Variants in ESR1 observed in about 807,000 individuals in gnomAD.
ESR1 encodes the protein estrogen receptor.
Under a neutral mutation model 52.7 loss-of-function variants are expected in ESR1, and 12 were observed. The observed-to-expected ratio is 0.23, with a 90% CI of 0.15 to 0.37. The LOEUF (loss-of-function observed/expected upper bound fraction) is 0.37, where lower values mean the gene tolerates loss of function less well. Among genes scored for constraint, ESR1 ranks in the 10% least tolerant of loss-of-function variants. The pLI, the probability that ESR1 is intolerant of heterozygous loss-of-function variation, is 1.00. For synonymous variants in ESR1, 305 were observed against 316.8 expected (o/e 0.96, Z 0.39); for missense variants, 584 against 779.7 (o/e 0.75, Z 2.99).
At chr6:152,049,862 T>C (rs2046534104) in intron 5 of ESR1, among the ~76,000 whole-genome samples, 1 of 152,150 alleles carries the variant, frequency 6.6e-6, no homozygotes, top group South Asian at 2.1e-4. Context: ...TAGTCAGGGA[T>C]TTAATGCCTC....
chr6:151,737,882 G>C (rs1782794508), intron 2 of ESR1, among the ~76,000 whole-genome samples: 1 of 152,146 alleles, frequency 6.6e-6, no homozygotes, highest in South Asian at 2.1e-4. Flanking sequence ...CATTATAAGG[G>C]AATTATAAGG....
At chr6:152,058,316 T>C (rs1562735710) in intron 5 of ESR1, among the ~76,000 whole-genome samples, 7 of 152,144 alleles carry the variant, frequency 4.6e-5, no homozygotes, top group South Asian at 2.1e-4. Flanking sequence ...CAGCCACACA[T>C]TGGGCAGCAT....
intron 3 of ESR1, among the ~76,000 whole-genome samples, chr6:151,917,697 C>G (rs1476454265): frequency 6.6e-6 from 1 of 152,106 alleles, no homozygotes; most frequent in Non-Finnish European, 1.5e-5. Flanking sequence ...CTTGATGCTC[C>G]CTGCCTGGAC....
At chr6:152,028,304 A>G (rs1033013097) in intron 5 of ESR1, among the ~76,000 whole-genome samples, 1 of 152,206 alleles carries the variant, frequency 6.6e-6, no homozygotes, top group Non-Finnish European at 1.5e-5. Context: ...GGTGCAGGAC[A>G]GTGGGTGCAG....
At chr6:152,056,280 C>T (rs913065225) in intron 5 of ESR1, among the ~76,000 whole-genome samples, 1 of 152,144 alleles carries the variant, frequency 6.6e-6, no homozygotes, top group Non-Finnish European at 1.5e-5. Context: ...TCTTTCAATA[C>T]ATCTAATCTT....
chr6:152,082,828 CAGAG>C (rs1262098425), intron 6 of ESR1, among the ~76,000 whole-genome samples: 1 of 152,146 alleles, frequency 6.6e-6, no homozygotes, highest in Non-Finnish European at 1.5e-5. Context: ...AATAGACAAA[CAGAG>C]AGCCAAATCA....
intron 3 of ESR1, among the ~76,000 whole-genome samples, chr6:151,938,960 A>G (rs1371452957): frequency 6.6e-6 from 1 of 152,220 alleles, no homozygotes; most frequent in Non-Finnish European, 1.5e-5. Flanking sequence ...ATAATTGTTA[A>G]GGTTAAAATT....
chr6:151,726,162 C>A (rs1027886948), intron 2 of ESR1, among the ~76,000 whole-genome samples: 2 of 152,024 alleles, frequency 1.3e-5, no homozygotes, highest in African/African-American at 4.8e-5. Flanking sequence ...CTCATTTAGG[C>A]GGAGAAAGAA....
chr6:151,736,375 G>GTTTTTTT (rs10624912), intron 2 of ESR1, among the ~76,000 whole-genome samples: 3 of 112,742 alleles, frequency 2.7e-5, no homozygotes, highest in African/African-American at 1.1e-4. Context: ...TCCAGGTAGT[G>GTTTTTTT]TTTTTTTTTT....
chr6:152,058,801 A>G (rs2128950310), intron 5 of ESR1, among the ~76,000 whole-genome samples: 1 of 152,332 alleles, frequency 6.6e-6, no homozygotes, highest in African/African-American at 2.4e-5. Context: ...TGTTGAATGA[A>G]TTAAAGTAGA....
chr6:151,846,297 A>T (rs1024669393), intron 2 of ESR1, among the ~76,000 whole-genome samples: 6 of 152,208 alleles, frequency 3.9e-5, no homozygotes, highest in African/African-American at 1.4e-4. Flanking sequence ...CAAGTAATTG[A>T]TTTCCTTTAT....
intron 1 of ESR1, among the ~76,000 whole-genome samples, chr6:151,832,445 A>G (rs1237225197): frequency 6.6e-6 from 1 of 152,256 alleles, no homozygotes; most frequent in African/African-American, 2.4e-5. Flanking sequence ...GCAATTAGAA[A>G]TACCCAGGAG....
At chr6:151,823,623 AC>A (rs1324404130) in intron 1 of ESR1, among the ~76,000 whole-genome samples, 3 of 146,128 alleles carry the variant, frequency 2.1e-5, no homozygotes, top group African/African-American at 7.7e-5. Context: ...CCTCCCCCCT[AC>A]CCCCACCCCA....
At position 152,094,064 on chromosome 6, in the gene ESR1, T is replaced by C. The variant is rs1464739753; in HGVS notation, c.1370-321T>C. The stretch of plus-strand genomic sequence containing the variant: ...CAGTTACATGGTCAATTACATTACA[T>C]GGACAATTCATGATGGTGTCAGACC... On this transcript the variant is annotated intron_variant, in intron 6 of 7. Coordinates refer to ENST00000206249, the MANE Select transcript of ESR1 (RefSeq NM_000125.4). This position sits in a 1 kb window ranked among gnomAD's most constrained non-coding sequence, Gnocchi z 4.6. Among the ~76,000 whole-genome samples the C allele has an allele frequency of 6.6e-6, 1 of 152,204 alleles. No individual in the cohort carries two copies. Among genetic ancestry groups the C allele is most frequent in the Non-Finnish European group, 1.5e-5 (1 of 68,030 alleles).
chr6:151,685,101 T>C (rs1474146936), intron 1 of ESR1, among the ~76,000 whole-genome samples: 1 of 138,652 alleles, frequency 7.2e-6, no homozygotes, highest in African/African-American at 2.6e-5. Context: ...TGTCTGACAC[T>C]GGCCTCTTTT....
intron 1 of ESR1, among the ~76,000 whole-genome samples, chr6:151,658,805 A>C (rs938307529): frequency 2.2e-4 from 34 of 152,192 alleles, no homozygotes; most frequent in Non-Finnish European, 4.4e-5. Context: ...CCTTATTTAC[A>C]GATAAGGAAG....
intron 2 of ESR1, among the ~76,000 whole-genome samples, chr6:151,851,652 C>G (rs562759399): frequency 6.6e-6 from 1 of 151,792 alleles, no homozygotes; most frequent in South Asian, 2.1e-4. Flanking sequence ...CTCAGCCTCC[C>G]GAGTAGCTAG....
At chr6:151,921,655 AT>A in intron 3 of ESR1, among the ~76,000 whole-genome samples, 1 of 152,230 alleles carries the variant, frequency 6.6e-6, no homozygotes, top group South Asian at 2.1e-4. Flanking sequence ...ATGGTATCTC[AT>A]TGTGGTTTTG....
At chr6:152,067,269 T>C (rs1017174591) in intron 6 of ESR1, among the ~76,000 whole-genome samples, 1 of 152,192 alleles carries the variant, frequency 6.6e-6, no homozygotes, top group African/African-American at 2.4e-5. Flanking sequence ...ACAAAATGCC[T>C]GTAGCCTGGG....
Sources: gnomAD v4.1 joint callset for allele counts (sites outside exome capture counted in the v4.1 genomes callset) on GRCh38, gnomAD v4.1.1 for gene constraint, Gnocchi (gnomAD v3.1) non-coding constraint, MANE v1.5 for transcripts, NCBI Gene and HGNC (gene_info 2026-07-23, HGNC 2026-07-21) for gene names.